The following VWA8 variants were observed in gnomAD, a reference collection of about 807,000 sequenced individuals.
The protein encoded by VWA8 is von Willebrand factor A domain containing 8, also known as von Willebrand factor A domain-containing protein 8.
In VWA8, 221 loss-of-function variants were observed where a neutral mutation model predicts 241.5. The ratio of observed to expected loss-of-function variants is 0.91; its 90% CI spans 0.82 to 1.02. The LOEUF is 1.02. Ranked by LOEUF, VWA8 falls within the 50% of genes least tolerant of loss-of-function variation. VWA8 has a pLI of 0.00. For synonymous variants in VWA8, 852 were observed against 827.1 expected (o/e 1.03, Z -0.52); for missense variants, 2,322 against 2,328.7 (o/e 1.00, Z 0.06).
At chr13:41,746,651 C>T (rs1593740010) in intron 21 of VWA8, among the ~76,000 whole-genome samples, 1 of 152,160 alleles carries the variant, frequency 6.6e-6, no homozygotes, top group South Asian at 2.1e-4. Flanking sequence ...GATGACACTC[C>T]TCAAAGGAGG....
At chr13:41,818,753 C>G (rs1172897582) in intron 15 of VWA8, among the ~76,000 whole-genome samples, 1 of 151,998 alleles carries the variant, frequency 6.6e-6, no homozygotes. Context: ...CTTGAGAGAC[C>G]AGGACTACTT....
chr13:41,584,901 C>T (rs1296334903), intron 42 of VWA8, among the ~76,000 whole-genome samples: 1 of 152,134 alleles, frequency 6.6e-6, no homozygotes, highest in African/African-American at 2.4e-5. Flanking sequence ...AGCAGCTCTG[C>T]TCACACATTG....
At position 41,721,433 on chromosome 13, in the gene VWA8, G is replaced by A. The variant is rs753778531; in HGVS notation, c.2901C>T (p.Asp967=). The part of the protein sequence containing the change: ...AAFGELRSLA[D]QGIINYPYST... ...AATAAGGATAGTTAATAATCCCTTG[G>A]TCAGCCAAACTCCTCAGCTCTCCAA... is the stretch of plus-strand genomic sequence containing the variant. The change falls in exon 25 of 45, where the codon GAC becomes GAT. Residue 967 remains aspartate (D), a synonymous_variant. Coordinates refer to ENST00000379310, the MANE Select transcript of VWA8 (RefSeq NM_015058.2). 7 of 1,613,828 alleles carry A rather than the reference G, an allele frequency of 4.3e-6. No individual in the cohort carries two copies. In the South Asian group the frequency reaches 7.7e-5, roughly 18 times the overall value.
chr13:41,883,557 T>G (rs1874369220), intron 8 of VWA8, 66 bp from the exon 9 acceptor site: 2 of 1,214,158 alleles, frequency 1.6e-6, no homozygotes, highest in Non-Finnish European at 2.4e-6. Flanking sequence ...ACATCTGAAA[T>G]GTACATATGA....
chr13:41,809,351 C>G (rs895103054), intron 17 of VWA8, among the ~76,000 whole-genome samples: 5 of 152,134 alleles, frequency 3.3e-5, no homozygotes, highest in Non-Finnish European at 7.4e-5. Flanking sequence ...TACCTGACTT[C>G]AAATTATACT....
chr13:41,761,313 G>C (rs2045738312), intron 20 of VWA8, 109 bp from the exon 21 acceptor site: 1 of 1,046,024 alleles, frequency 9.6e-7, no homozygotes, highest in Non-Finnish European at 1.4e-6. Context: ...CCTTGTTACT[G>C]TTTTAGTTTA....
chr13:41,861,567 G>T (rs375917257), intron 12 of VWA8, among the ~76,000 whole-genome samples: 5 of 152,144 alleles, frequency 3.3e-5, no homozygotes, highest in South Asian at 2.1e-4. Flanking sequence ...CCACCAAAAG[G>T]CTCCTAAAAG....
intron 12 of VWA8, among the ~76,000 whole-genome samples, chr13:41,852,223 G>A (rs979658944): frequency 3.3e-5 from 5 of 152,152 alleles, no homozygotes; most frequent in Admixed American, 3.3e-4. Context: ...CCATTTGTAT[G>A]TCCAACAAGT....
At chr13:41,739,104 TG>T (rs1370689712) in intron 21 of VWA8, among the ~76,000 whole-genome samples, 1 of 152,186 alleles carries the variant, frequency 6.6e-6, no homozygotes, top group Non-Finnish European at 1.5e-5. Context: ...CTTTAGAGAT[TG>T]GAGGAGTATC....
chr13:41,592,137 TA>T lies in VWA8; in HGVS notation c.4987-1373del, dbSNP rs558600436. Among the ~76,000 whole-genome samples, 1,127 of 148,360 alleles carry T rather than the reference TA, an allele frequency of 7.6e-3. 14 individuals are homozygous for T. Among genetic ancestry groups the T allele is most frequent in the African/African-American group, 0.027 (1,073 of 39,860 alleles). On this transcript the variant is annotated intron_variant, in intron 40 of 44. Transcript: ENST00000379310. Reference sequence around the variant, plus strand: ...TACACCATGGAATACTATGCAGCCATAAAAAATGATGAGTTCATGTCCTTTG... The same window carrying T: ...TACACCATGGAATACTATGCAGCCATAAAAATGATGAGTTCATGTCCTTTG...
At chr13:41,576,081 A>G (rs2044349040) in intron 42 of VWA8, among the ~76,000 whole-genome samples, 1 of 152,210 alleles carries the variant, frequency 6.6e-6, no homozygotes, top group South Asian at 2.1e-4. Flanking sequence ...AGTCTGGAAA[A>G]AAAGTCTGGG....
chr13:41,945,239 C>T (rs1877796630), intron 2 of VWA8, among the ~76,000 whole-genome samples: 1 of 150,580 alleles, frequency 6.6e-6, no homozygotes, highest in Non-Finnish European at 1.5e-5. Flanking sequence ...CAAGGCATGA[C>T]AAAGAACACA....
intron 31 of VWA8, 148 bp from the exon 32 acceptor site, chr13:41,691,593 A>G: frequency 8.5e-7 from 1 of 1,175,640 alleles, no homozygotes; most frequent in Non-Finnish European, 1.2e-6. Flanking sequence ...AATTAAAAAA[A>G]CAGATATGCA....
At chr13:41,568,407 G>T in intron 44 of VWA8, 102 bp from the exon 45 acceptor site, 1 of 879,302 alleles carries the variant, frequency 1.1e-6, no homozygotes, top group Non-Finnish European at 1.8e-6. Flanking sequence ...CTTAGGAAAG[G>T]AAGTTTTTAC....
At chr13:41,822,513 C>T (rs771436085) in intron 14 of VWA8, among the ~76,000 whole-genome samples, 6 of 152,024 alleles carry the variant, frequency 3.9e-5, no homozygotes, top group Non-Finnish European at 8.8e-5. Flanking sequence ...AGAAAGCAGA[C>T]GCTAAATAAG....
At chr13:41,730,870 A>C (rs1482832063) in intron 22 of VWA8, among the ~76,000 whole-genome samples, 2 of 151,956 alleles carry the variant, frequency 1.3e-5, no homozygotes, top group East Asian at 3.9e-4. Flanking sequence ...TATTTTTAAA[A>C]AACTTATAAG....
intron 34 of VWA8, among the ~76,000 whole-genome samples, chr13:41,687,737 G>A (rs1011500829): frequency 6.6e-6 from 1 of 152,050 alleles, no homozygotes; most frequent in Admixed American, 6.6e-5. Context: ...AAGTATTACT[G>A]TCATCTTAAA....
At chr13:41,854,294 A>G (rs907341537) in intron 12 of VWA8, among the ~76,000 whole-genome samples, 1 of 152,140 alleles carries the variant, frequency 6.6e-6, no homozygotes, top group Non-Finnish European at 1.5e-5. Context: ...AGCTTGGAAG[A>G]CAATTGGGGA....
intron 43 of VWA8, among the ~76,000 whole-genome samples, chr13:41,573,831 G>A (rs931236314): frequency 4.6e-5 from 7 of 151,726 alleles, no homozygotes; most frequent in East Asian, 3.9e-4. Context: ...CAGGTTGGCC[G>A]GGCTGGTATC....
Sources: allele counts gnomAD v4.1 joint callset (sites outside exome capture counted in the v4.1 genomes callset), GRCh38; gene constraint gnomAD v4.1.1; transcripts MANE v1.5; gene names NCBI Gene and HGNC (gene_info 2026-07-23, HGNC 2026-07-21).